Variants in FYCO1 observed in about 807,000 individuals in gnomAD.
The protein encoded by FYCO1 is FYVE and coiled-coil domain autophagy adaptor 1.
FYCO1 carries 122 observed loss-of-function variants against 165.1 expected under a neutral mutation model. The ratio of observed to expected loss-of-function variants is 0.74; its 90% CI spans 0.64 to 0.86. The LOEUF (loss-of-function observed/expected upper bound fraction) is 0.86, where lower values mean the gene tolerates loss of function less well. FYCO1 is among the 40% of genes least tolerant of loss of function. FYCO1 has a pLI of 0.00. For missense variants in FYCO1, 1,702 were observed against 1,810.3 expected (o/e 0.94, Z 1.09); for synonymous variants, 648 against 742.5 (o/e 0.87, Z 2.07).
At chr3:45,974,594 A>C (rs1706628438) in intron 5 of FYCO1, among the ~76,000 whole-genome samples, 1 of 152,152 alleles carries the variant, frequency 6.6e-6, no homozygotes, top group East Asian at 1.9e-4. Context: ...CTCCAAAAGG[A>C]AAGGGGCCAA....
chr3:45,952,653 G>T (rs1206973109), intron 14 of FYCO1, among the ~76,000 whole-genome samples: 4 of 152,178 alleles, frequency 2.6e-5, no homozygotes, highest in Non-Finnish European at 5.9e-5. Context: ...ACACATATTT[G>T]TCAGCAGTCA....
chr3:45,966,145 A>G (rs1009124706), intron 8 of FYCO1, 132 bp downstream of exon 8: 20 of 871,184 alleles, frequency 2.3e-5, no homozygotes, highest in African/African-American at 1.1e-4. Flanking sequence ...AAGGGCCACA[A>G]GGTGTTTGCC....
At chr3:45,961,075 G>A (rs1221170106) in intron 11 of FYCO1, among the ~76,000 whole-genome samples, 3 of 152,188 alleles carry the variant, frequency 2.0e-5, no homozygotes, top group Non-Finnish European at 4.4e-5. Flanking sequence ...ATCGGCAAAA[G>A]TAGAGAGATG....
intron 13 of FYCO1, among the ~76,000 whole-genome samples, chr3:45,957,524 T>G (rs1705410730): frequency 6.6e-6 from 1 of 152,228 alleles, no homozygotes; most frequent in African/African-American, 2.4e-5. Context: ...GACAAAGAAC[T>G]TGCATAGAGA....
At chr3:45,989,328 C>T (rs1707461153) in intron 1 of FYCO1, among the ~76,000 whole-genome samples, 1 of 152,206 alleles carries the variant, frequency 6.6e-6, no homozygotes, top group Non-Finnish European at 1.5e-5. Context: ...TGGTTCAGCA[C>T]ACCCAACGGC....
intron 11 of FYCO1, among the ~76,000 whole-genome samples, chr3:45,961,202 T>C (rs1705681163): frequency 6.6e-6 from 1 of 152,202 alleles, no homozygotes; most frequent in Admixed American, 6.5e-5. Flanking sequence ...CGGAAAAATT[T>C]GAAACTGACT....
chr3:45,936,359 C>T lies in FYCO1; in HGVS notation c.4040+89G>A, dbSNP rs150646600. On this transcript the variant is annotated intron_variant, in intron 15 of 17. Coordinates refer to ENST00000296137, the MANE Select transcript of FYCO1 (RefSeq NM_024513.4). ...CCCACTGGTATTAAGTTAGAGCCCC[C>T]GAGGTGGTCCCCAGCGCCGGCACTG... The T allele has an allele frequency of 2.5e-3, 2,113 of 840,126 alleles. 6 individuals carry two copies. The highest frequency in any genetic ancestry group is 2.9e-3 in the African/African-American group (176 of 60,412). The allele number at this position is 840,126 out of a possible 1,614,324, so 52.0% of individuals were successfully genotyped here. A position where few individuals can be genotyped will look rare whatever the true frequency, so the allele number is the denominator to read the frequency against.
intron 14 of FYCO1, chr3:45,947,793 G>A (rs1215882974): frequency 9.5e-6 from 4 of 419,098 alleles, no homozygotes; most frequent in East Asian, 9.5e-5. Flanking sequence ...TGACTCCTAT[G>A]ATCTCAGGTT....
At chr3:45,933,992 A>AT (rs1278838406) in intron 15 of FYCO1, among the ~76,000 whole-genome samples, 4 of 149,936 alleles carry the variant, frequency 2.7e-5, no homozygotes, top group East Asian at 1.9e-4. Context: ...AATAACCAAA[A>AT]TAAAAAAAAA....
At chr3:45,971,791 G>A (rs1706464528) in intron 6 of FYCO1, among the ~76,000 whole-genome samples, 1 of 152,156 alleles carries the variant, frequency 6.6e-6, no homozygotes, top group African/African-American at 2.4e-5. Context: ...TATGTGATCT[G>A]GGATTGGACC....
At chr3:45,937,287 AGATC>A (rs1703949678) in intron 14 of FYCO1, among the ~76,000 whole-genome samples, 1 of 152,242 alleles carries the variant, frequency 6.6e-6, no homozygotes, top group Admixed American at 6.5e-5. Context: ...TCAATGAGGA[AGATC>A]TCCCATGCAG....
At chr3:45,957,989 T>C (rs964398589) in intron 13 of FYCO1, among the ~76,000 whole-genome samples, 6 of 152,188 alleles carry the variant, frequency 3.9e-5, no homozygotes, top group African/African-American at 1.4e-4. Context: ...ACAAAGGAGA[T>C]TACATCCTCC....
In FYCO1 at chr3:45,964,201, C is replaced by A; in HGVS notation, c.3269+135G>T. ...CTCTGTGGCATGCTTCCAGCAGAAGCACTTTCTGAGTTTGTGGCTTTTCTT... is the reference window on the plus strand; with the variant it reads ...CTCTGTGGCATGCTTCCAGCAGAAGAACTTTCTGAGTTTGTGGCTTTTCTT... On this transcript the variant is annotated intron_variant, in intron 10 of 17. Transcript: ENST00000296137. This position sits in a 1 kb window ranked among gnomAD's most constrained non-coding sequence, Gnocchi z 4.1. 1 of 778,456 alleles carries A rather than the reference C, an allele frequency of 1.3e-6. No individual in the cohort carries two copies. The allele number at this position is 778,456 out of a possible 1,614,324, so 48.2% of individuals were successfully genotyped here. A position where few individuals can be genotyped will look rare whatever the true frequency, so the allele number is the denominator to read the frequency against.
At chr3:45,937,754 C>G (rs940851020) in intron 14 of FYCO1, among the ~76,000 whole-genome samples, 2 of 152,238 alleles carry the variant, frequency 1.3e-5, no homozygotes, top group Non-Finnish European at 2.9e-5. Flanking sequence ...TCTTGTCACT[C>G]TGGCATTTCT....
At position 45,930,136 on chromosome 3, in the gene FYCO1, C is replaced by T. The variant is rs571475672; in HGVS notation, c.4251+935G>A. Among the ~76,000 whole-genome samples, 12 of 152,340 alleles carry T rather than the reference C, an allele frequency of 7.9e-5. 1 individual carries two copies. The South Asian group carries it at 2.5e-3, about 32-fold the overall frequency. ...CTTGCAAAATGGAGATTTCTGCAGT[C>T]ATATTCCCAGACTAGGATCCATTTT... On this transcript the variant is annotated intron_variant, in intron 16 of 17. Coordinates refer to ENST00000296137, the MANE Select transcript of FYCO1 (RefSeq NM_024513.4).
chr3:45,978,664 A>C (rs1397732570), intron 4 of FYCO1, among the ~76,000 whole-genome samples: 1 of 152,212 alleles, frequency 6.6e-6, no homozygotes, highest in Non-Finnish European at 1.5e-5. Flanking sequence ...ACTGAAAAGA[A>C]AGAAGAAATG....
intron 4 of FYCO1, among the ~76,000 whole-genome samples, chr3:45,977,889 C>G (rs571517451): frequency 1.6e-4 from 24 of 152,276 alleles, no homozygotes; most frequent in African/African-American, 5.8e-4. Flanking sequence ...TAAAATTAAC[C>G]AAGTAACCAG....
intron 5 of FYCO1, among the ~76,000 whole-genome samples, chr3:45,974,223 A>G (rs1488972553): frequency 6.6e-6 from 1 of 152,182 alleles, no homozygotes; most frequent in East Asian, 1.9e-4. Context: ...TATAAAAAGT[A>G]AAAAATTAGC....
rs1705865224 is a variant in FYCO1 at position 45,964,281 on chromosome 3, CA to C, written c.3269+54del. 1 of 1,354,030 alleles carries C rather than the reference CA, an allele frequency of 7.4e-7. No homozygotes were observed. Among genetic ancestry groups the C allele is most frequent in the South Asian group, 1.2e-5 (1 of 85,838 alleles). 83.9% of individuals were successfully genotyped at this position (1,354,030 alleles called of 1,614,324 possible). On this transcript the variant is annotated intron_variant, in intron 10 of 17. Transcript: ENST00000296137. The surrounding 1 kb of genome is among the most constrained non-coding windows in gnomAD (Gnocchi z 4.1). Reference sequence around the variant, plus strand: ...TGACTGACTTTCTAAATGACGAGACCAAACACTCCTTCCCTGAAGACTACCG... The same window carrying C: ...TGACTGACTTTCTAAATGACGAGACCAACACTCCTTCCCTGAAGACTACCG...
Sources: gnomAD v4.1 joint callset for allele counts (sites outside exome capture counted in the v4.1 genomes callset) on GRCh38, gnomAD v4.1.1 for gene constraint, Gnocchi (gnomAD v3.1) non-coding constraint, MANE v1.5 for transcripts, NCBI Gene and HGNC (gene_info 2026-07-23, HGNC 2026-07-21) for gene names.